CGGBP1: variants seen among roughly 807,000 people sequenced by gnomAD.
CGGBP1 encodes the protein CGG triplet repeat-binding protein 1.
CGGBP1 carries 4 observed loss-of-function variants against 11.4 expected under a neutral mutation model. The observed-to-expected ratio is 0.35, with a 90% CI of 0.17 to 0.80. The LOEUF is 0.80. CGGBP1 is among the 30% of genes least tolerant of loss of function. CGGBP1 has a pLI of 0.52. For synonymous variants in CGGBP1, 76 were observed against 74.1 expected, an observed-to-expected ratio of 1.03 and a Z score of -0.13; for missense variants, 135 against 202.1, an observed-to-expected ratio of 0.67 and a Z score of 2.01.
intron 2 of CGGBP1, among the ~76,000 whole-genome samples, chr3:88,087,947 C>G (rs753728714): frequency 5.3e-5 from 8 of 152,130 alleles, no homozygotes; most frequent in African/African-American, 1.4e-4. Flanking sequence ...AAAGGAAACG[C>G]TCATTGGAAC....
At chr3:88,107,723 A>G (rs561892813) in intron 2 of CGGBP1, among the ~76,000 whole-genome samples, 3 of 152,064 alleles carry the variant, frequency 2.0e-5, no homozygotes, top group East Asian at 3.9e-4. Flanking sequence ...CAGTGTACCA[A>G]TTTTTTCTTC....
At chr3:88,060,616 A>T (rs1366347012), upstream of CGGBP1, among the ~76,000 whole-genome samples, 1 of 152,198 alleles carries the variant, frequency 6.6e-6, no homozygotes, top group Non-Finnish European at 1.5e-5. Flanking sequence ...TCTGTGTCTC[A>T]GTTTCCCCTT....
rs898794747 is a variant in CGGBP1 at position 88,139,111 on chromosome 3, A to G, written c.-229+1859T>C. 3 of 1,270,328 alleles carry G rather than the reference A, an allele frequency of 2.4e-6. No homozygotes were observed. In the African/African-American group the frequency reaches 4.6e-5, roughly 20 times the overall value. The allele number at this position is 1,270,328 out of a possible 1,614,324, so 78.7% of individuals were successfully genotyped here. A position where few individuals can be genotyped will look rare whatever the true frequency, so the allele number is the denominator to read the frequency against. ...TTTCTAAATGAAAGCACACTGGAAAATAATGCAGGTAATCTAAAAAGGACG... is the reference window on the plus strand; with the variant it reads ...TTTCTAAATGAAAGCACACTGGAAAGTAATGCAGGTAATCTAAAAAGGACG... On this transcript the variant is annotated intron_variant, in intron 2 of 3. Transcript: ENST00000462901.
intron 2 of CGGBP1, among the ~76,000 whole-genome samples, chr3:88,114,114 A>C (rs1385571755): frequency 6.6e-6 from 1 of 152,186 alleles, no homozygotes; most frequent in African/African-American, 2.4e-5. Context: ...TAAGCAAAAC[A>C]GAAAAAATCT....
chr3:88,060,345 G>T (rs1159242455), upstream of CGGBP1, among the ~76,000 whole-genome samples: 5 of 152,156 alleles, frequency 3.3e-5, no homozygotes, highest in Non-Finnish European at 7.4e-5. Context: ...CAAAGTGTTT[G>T]TAATCAAATA....
At chr3:88,090,545 A>G (rs866023939) in intron 2 of CGGBP1, among the ~76,000 whole-genome samples, 2 of 150,938 alleles carry the variant, frequency 1.3e-5, no homozygotes, top group African/African-American at 2.4e-5. Context: ...AAAGGTTATA[A>G]TAAGGCTAAT....
chr3:88,068,967 A>G (rs1224304991), intron 2 of CGGBP1, among the ~76,000 whole-genome samples: 4 of 152,200 alleles, frequency 2.6e-5, no homozygotes, highest in South Asian at 4.1e-4. Flanking sequence ...CTATGCATAT[A>G]TATTTGATAT....
rs536842700 is a variant in CGGBP1 at position 88,071,875 on chromosome 3, C to T, written c.-228-13652G>A. On this transcript the variant is annotated intron_variant, in intron 2 of 3. Transcript: ENST00000462901. ...GCCATTTTGTACTGTACTTTTAAGA[C>T]TTTTTATCTTCTCTCTTATATTTTG... is the stretch of plus-strand genomic sequence containing the variant. Among the ~76,000 whole-genome samples the T allele has an allele frequency of 2.0e-5, 3 of 152,270 alleles. No homozygotes were observed. In the East Asian group the frequency reaches 5.8e-4, roughly 29 times the overall value.
At chr3:88,093,055 T>G (rs1302225967) in intron 2 of CGGBP1, among the ~76,000 whole-genome samples, 3 of 152,220 alleles carry the variant, frequency 2.0e-5, no homozygotes, top group Non-Finnish European at 4.4e-5. Flanking sequence ...TGACTATCCT[T>G]ATAAGATGTA....
chr3:88,057,209 C>G lies in CGGBP1; in HGVS notation c.-42G>C, dbSNP rs1257044618. On this transcript the variant is annotated 5_prime_UTR_variant, in exon 3 of 4. It removes an upstream start codon present in the reference 5' UTR. Coordinates refer to ENST00000482016, the MANE Select transcript of CGGBP1 (RefSeq NM_001008390.2). ...TACATACTAGAGAATAGCTGGGTAA[C>G]ATGAACTCTCTTTCAAAAGGACTTT... is the stretch of plus-strand genomic sequence containing the variant. 6.6e-6 allele frequency: 1 copy of G among 152,180 alleles called. No homozygotes were observed. Among genetic ancestry groups the G allele is most frequent in the Non-Finnish European group, 1.5e-5 (1 of 68,032 alleles). 9.4% of individuals were successfully genotyped at this position (152,180 alleles called of 1,614,324 possible). A position where few individuals can be genotyped will look rare whatever the true frequency, so the allele number is the denominator to read the frequency against.
intron 2 of CGGBP1, among the ~76,000 whole-genome samples, chr3:88,072,159 C>G (rs1707551470): frequency 6.6e-6 from 1 of 152,088 alleles, no homozygotes. Context: ...CATCCTTGCT[C>G]TAAAGGAACT....
intron 2 of CGGBP1, among the ~76,000 whole-genome samples, chr3:88,108,476 C>A (rs1419512797): frequency 3.9e-5 from 6 of 152,006 alleles, no homozygotes; most frequent in Non-Finnish European, 7.4e-5. Context: ...GGTTTGTTAC[C>A]CATAGTCAAC....
At chr3:88,062,385 TTTG>T (rs372320157), upstream of CGGBP1, among the ~76,000 whole-genome samples, 809 of 152,296 alleles carry the variant, frequency 5.3e-3, 5 homozygotes, top group African/African-American at 0.017. Flanking sequence ...AGGGGAGTTT[TTTG>T]TTGTTGTTGC....
intron 1 of CGGBP1, among the ~76,000 whole-genome samples, chr3:88,148,817 T>A (rs1220205174): frequency 1.3e-5 from 2 of 152,124 alleles, no homozygotes; most frequent in Non-Finnish European, 2.9e-5. Flanking sequence ...TTTTTTGTAT[T>A]TTTAGTGGAG....
chr3:88,115,469 A>G (rs748679238), intron 2 of CGGBP1, among the ~76,000 whole-genome samples: 5 of 152,186 alleles, frequency 3.3e-5, no homozygotes, highest in Non-Finnish European at 7.3e-5. Flanking sequence ...CAAAATGATC[A>G]TGTCACTGTT....
intron 2 of CGGBP1, among the ~76,000 whole-genome samples, chr3:88,090,358 G>C (rs1708565818): frequency 6.6e-6 from 1 of 151,914 alleles, no homozygotes. Context: ...ATGTGACTTA[G>C]TTTTTAACAA....
chr3:88,123,278 G>A (rs544737817), intron 2 of CGGBP1, among the ~76,000 whole-genome samples: 61 of 152,168 alleles, frequency 4.0e-4, no homozygotes, highest in South Asian at 1.2e-3. Context: ...ATCCTGAGCT[G>A]TTTTCCATAA....
intron 2 of CGGBP1, among the ~76,000 whole-genome samples, chr3:88,081,437 T>A (rs1256938274): frequency 6.6e-5 from 10 of 152,160 alleles, no homozygotes; most frequent in Non-Finnish European, 8.8e-5. Context: ...GATGCATGGA[T>A]GTTGTCTGCA....
intron 2 of CGGBP1, among the ~76,000 whole-genome samples, chr3:88,087,710 T>C (rs964807028): frequency 2.0e-5 from 3 of 152,206 alleles, no homozygotes; most frequent in Non-Finnish European, 2.9e-5. Context: ...ATAGAAAATA[T>C]CAGAGTATGT....
Sources: allele counts gnomAD v4.1 joint callset (sites outside exome capture counted in the v4.1 genomes callset), GRCh38; gene constraint gnomAD v4.1.1; transcripts MANE v1.5; gene names NCBI Gene and HGNC (gene_info 2026-07-23, HGNC 2026-07-21).